FHIT: variants seen among roughly 807,000 people sequenced by gnomAD.
The protein encoded by FHIT is fragile histidine triad diadenosine triphosphatase.
FHIT carries 19 observed loss-of-function variants against 17.9 expected under a neutral mutation model. That is an observed-to-expected ratio of 1.06 (90% CI 0.74 to 1.56). The LOEUF (loss-of-function observed/expected upper bound fraction) is 1.56, where lower values mean the gene tolerates loss of function less well. Among genes scored for constraint, FHIT ranks in the 40% most tolerant of loss-of-function variants. FHIT has a pLI of 0.00. For missense variants in FHIT, 248 were observed against 189.2 expected (o/e 1.31, Z -1.82); for synonymous variants, 81 against 69.7 (o/e 1.16, Z -0.81).
At chr3:59,831,724 G>T (rs571484572) in intron 8 of FHIT, among the ~76,000 whole-genome samples, 1 of 152,134 alleles carries the variant, frequency 6.6e-6, no homozygotes, top group East Asian at 1.9e-4. Context: ...GAAAATCAGT[G>T]GAATAGGGAA....
chr3:59,762,771 A>T (rs978972220), intron 8 of FHIT, among the ~76,000 whole-genome samples: 1 of 152,318 alleles, frequency 6.6e-6, no homozygotes, highest in African/African-American at 2.4e-5. Flanking sequence ...GTTTTCAGGA[A>T]TTAATCGCTG....
chr3:61,186,416 G>C (rs1381212877), intron 2 of FHIT, among the ~76,000 whole-genome samples: 1 of 152,192 alleles, frequency 6.6e-6, no homozygotes, highest in African/African-American at 2.4e-5. Context: ...AAACCATTCA[G>C]ATTCTTTCCC....
intron 5 of FHIT, among the ~76,000 whole-genome samples, chr3:60,414,534 T>A (rs1702175870): frequency 6.6e-6 from 1 of 152,120 alleles, no homozygotes; most frequent in African/African-American, 2.4e-5. Context: ...CCTCTATTAC[T>A]CCCTCTTCTA....
At chr3:60,763,855 T>G (rs1404060729) in intron 4 of FHIT, among the ~76,000 whole-genome samples, 2 of 152,220 alleles carry the variant, frequency 1.3e-5, no homozygotes. Flanking sequence ...TTAACACTGC[T>G]TTTTACTTCA....
chr3:60,691,147 G>C (rs2040980061), intron 4 of FHIT, among the ~76,000 whole-genome samples: 1 of 151,872 alleles, frequency 6.6e-6, no homozygotes, highest in South Asian at 2.1e-4. Context: ...GTTTTTGTTT[G>C]TTCGTTGTGC....
chr3:60,493,549 C>T (rs564666277), intron 5 of FHIT, among the ~76,000 whole-genome samples: 2 of 152,280 alleles, frequency 1.3e-5, no homozygotes, highest in South Asian at 4.2e-4. Context: ...AGTGTGCTTA[C>T]ATTTGCATTT....
intron 5 of FHIT, among the ~76,000 whole-genome samples, chr3:60,082,062 T>C (rs1703309382): frequency 6.6e-6 from 1 of 151,874 alleles, no homozygotes; most frequent in Non-Finnish European, 1.5e-5. Flanking sequence ...GTATGATTAA[T>C]ACCATCACCC....
intron 5 of FHIT, among the ~76,000 whole-genome samples, chr3:60,118,796 C>T (rs1207409408): frequency 7.2e-6 from 1 of 139,140 alleles, no homozygotes; most frequent in Non-Finnish European, 1.5e-5. Context: ...GGTGGTGAAT[C>T]ACCTGAAGTC....
chr3:60,175,627 T>C (rs1194775036), intron 5 of FHIT, among the ~76,000 whole-genome samples: 1 of 152,132 alleles, frequency 6.6e-6, no homozygotes, highest in Non-Finnish European at 1.5e-5. Context: ...AGATAGAAGA[T>C]AAAAGCTGTG....
intron 3 of FHIT, among the ~76,000 whole-genome samples, chr3:60,971,388 C>G (rs910837549): frequency 5.9e-5 from 9 of 152,112 alleles, no homozygotes; most frequent in Non-Finnish European, 1.2e-4. Flanking sequence ...TGGAAATACT[C>G]AAATTTCCAA....
chr3:60,301,975 T>C (rs1708474523), intron 5 of FHIT, among the ~76,000 whole-genome samples: 1 of 152,098 alleles, frequency 6.6e-6, no homozygotes. Context: ...AAGTTTGCTC[T>C]CGGGAGATGA....
chr3:60,778,819 T>A (rs1217974209), intron 4 of FHIT, among the ~76,000 whole-genome samples: 1 of 152,038 alleles, frequency 6.6e-6, no homozygotes, highest in Non-Finnish European at 1.5e-5. Flanking sequence ...CTTTAAGGAG[T>A]CAAGCTCAAC....
At chr3:59,873,752 A>C (rs1703027497) in intron 8 of FHIT, among the ~76,000 whole-genome samples, 1 of 152,020 alleles carries the variant, frequency 6.6e-6, no homozygotes, top group Non-Finnish European at 1.5e-5. Flanking sequence ...CCCAACTGAG[A>C]ACCACTGGTC....
intron 5 of FHIT, among the ~76,000 whole-genome samples, chr3:60,033,363 G>A (rs750844654): frequency 2.0e-4 from 30 of 151,996 alleles, no homozygotes; most frequent in Admixed American, 5.2e-4. Context: ...GCGTGGTGGC[G>A]CATGCCTGTA....
At chr3:60,521,357 C>G (rs1389487740) in intron 5 of FHIT, among the ~76,000 whole-genome samples, 3 of 152,158 alleles carry the variant, frequency 2.0e-5, no homozygotes, top group Non-Finnish European at 4.4e-5. Context: ...ACGCCATTCT[C>G]CTGCCTCAAC....
Position 60,114,488 on chromosome 3 carries a change from CCTTTTTT to C in FHIT, c.104-100343_104-100337del, listed in dbSNP as rs1248502229. On this transcript the variant is annotated intron_variant, in intron 5 of 9. Coordinates refer to ENST00000492590, the MANE Select transcript of FHIT (RefSeq NM_002012.4). ...TAAAATAAGGAAGAACAAGAGAAAT[CCTTTTTT>C]TTTTTTTTTTTTTTTTTTGAGACAA... is the stretch of plus-strand genomic sequence containing the variant. Among the ~76,000 whole-genome samples the C allele has an allele frequency of 8.9e-4, 53 of 59,482 alleles. 4 individuals carry two copies. The highest frequency in any genetic ancestry group is 2.6e-3 in the African/African-American group (35 of 13,366). 39.0% of individuals were successfully genotyped at this position (59,482 alleles called of 152,430 possible).
At chr3:60,341,061 G>A (rs555681202) in intron 5 of FHIT, among the ~76,000 whole-genome samples, 1 of 152,222 alleles carries the variant, frequency 6.6e-6, no homozygotes, top group African/African-American at 2.4e-5. Flanking sequence ...CTCCATATTT[G>A]GATGGCTGAC....
At chr3:60,922,760 AG>A (rs2107321259) in intron 3 of FHIT, among the ~76,000 whole-genome samples, 1 of 152,318 alleles carries the variant, frequency 6.6e-6, no homozygotes, top group African/African-American at 2.4e-5. Flanking sequence ...CCTTCTTTAA[AG>A]AAAAATTCTT....
At chr3:60,116,150 G>C (rs1300639601) in intron 5 of FHIT, among the ~76,000 whole-genome samples, 2 of 152,172 alleles carry the variant, frequency 1.3e-5, no homozygotes, top group Admixed American at 1.3e-4. Flanking sequence ...AAAAGAAGCA[G>C]TAGACAGATA....
Sources: gnomAD v4.1 joint callset for allele counts (sites outside exome capture counted in the v4.1 genomes callset) on GRCh38, gnomAD v4.1.1 for gene constraint, MANE v1.5 for transcripts, NCBI Gene and HGNC (gene_info 2026-07-23, HGNC 2026-07-21) for gene names.